Variants in CNGA3 observed in about 807,000 individuals in gnomAD.
The protein encoded by CNGA3 is cyclic nucleotide gated channel subunit alpha 3.
CNGA3 carries 42 observed loss-of-function variants against 46.6 expected under a neutral mutation model. The ratio of observed to expected loss-of-function variants is 0.90; its 90% CI spans 0.70 to 1.17. The LOEUF (loss-of-function observed/expected upper bound fraction) is 1.17, where lower values mean the gene tolerates loss of function less well. Ranked by LOEUF, CNGA3 falls within the 50% of genes most tolerant of loss-of-function variation. CNGA3 has a pLI of 0.00. For missense variants in CNGA3, 893 were observed against 890.7 expected (o/e 1.00, Z -0.03); for synonymous variants, 394 against 369.4 (o/e 1.07, Z -0.76).
chr2:98,373,327 T>G (rs979380323), intron 2 of CNGA3, among the ~76,000 whole-genome samples: 1 of 152,242 alleles, frequency 6.6e-6, no homozygotes, highest in Non-Finnish European at 1.5e-5. Context: ...CTCTTTGTCT[T>G]GAAATTCCAG....
At chr2:98,361,606 A>G (rs56146339) in intron 1 of CNGA3, among the ~76,000 whole-genome samples, 29,107 of 151,434 alleles carry the variant, frequency 0.19, 3,190 homozygotes, top group Non-Finnish European at 0.26. Flanking sequence ...GAATTGCCAC[A>G]CTGTCTTCCA....
chr2:98,355,757 A>G (rs1691866382), intron 1 of CNGA3: 1 of 152,180 alleles, frequency 6.6e-6, no homozygotes. Context: ...GGATTATTTC[A>G]TTTTAAATAA....
At chr2:98,383,512 G>A in intron 5 of CNGA3, 71 bp downstream of exon 5, 2 of 1,484,920 alleles carry the variant, frequency 1.3e-6, no homozygotes, top group South Asian at 2.3e-5. Context: ...GCCCCAGCTT[G>A]GCCTCTCTCC....
At chr2:98,361,755 T>G (rs764610872) in intron 1 of CNGA3, among the ~76,000 whole-genome samples, 22 of 148,144 alleles carry the variant, frequency 1.5e-4, no homozygotes, top group Non-Finnish European at 2.4e-4. Flanking sequence ...TCGCCCAGGC[T>G]GGAGTGCAGT....
rs746703390 is a variant in CNGA3 at position 98,383,383 on chromosome 2, C to G, written c.396-5C>G. 4 of 1,613,980 alleles carry G rather than the reference C, an allele frequency of 2.5e-6. No individual in the cohort carries two copies. Among genetic ancestry groups the G allele is most frequent in the African/African-American group, 1.3e-5 (1 of 74,906 alleles). On this transcript the variant is annotated splice_polypyrimidine_tract_variant and splice_region_variant and intron_variant, in intron 4 of 7. Transcript: ENST00000272602. ...ACCCTTGATGTTCTCTCTACCTTCC[C>G]GCAGCGCCTGGCCCCTGGCCAAATG...
In CNGA3 at chr2:98,380,203, A is replaced by G; in HGVS notation, c.244A>G (p.Arg82Gly). Reference protein sequence around the residue: ...RLSRLIFLLRRWAARHVHHQD... With the variant: ...RLSRLIFLLRGWAARHVHHQD... ...GTCGCGCCTCATCTTCTTGCTGCGCAGGTGGGCTGCCAGGCATGTGCACCA... is the reference window on the plus strand; with the variant it reads ...GTCGCGCCTCATCTTCTTGCTGCGCGGGTGGGCTGCCAGGCATGTGCACCA... Residue 82 changes from arginine (R) to glycine (G), a missense_variant, in exon 4 of 8, where the codon AGG (arginine) becomes GGG (glycine). This residue lies in a region of CNGA3 where 333 missense variants were observed against 290.8 expected (regional missense o/e 1.15). Coordinates refer to ENST00000272602, the MANE Select transcript of CNGA3 (RefSeq NM_001298.3). 6.2e-7 allele frequency: 1 copy of G among 1,614,230 alleles called. No homozygotes were observed. Among genetic ancestry groups the G allele is most frequent in the African/African-American group, 1.3e-5 (1 of 75,060 alleles).
At chr2:98,377,949 A>G (rs1053678393) in intron 3 of CNGA3, 149 bp downstream of exon 3, 2 of 1,352,672 alleles carry the variant, frequency 1.5e-6, no homozygotes, top group Non-Finnish European at 2.0e-6. Context: ...GAAAACTATC[A>G]GTGAGTAATT....
chr2:98,376,570 G>A (rs185189066), intron 2 of CNGA3, among the ~76,000 whole-genome samples: 2 of 152,244 alleles, frequency 1.3e-5, no homozygotes, highest in Admixed American at 1.3e-4. Context: ...GAAAAGGCAG[G>A]GAGGAATCTG....
At chr2:98,372,376 G>A (rs1357618626) in intron 2 of CNGA3, among the ~76,000 whole-genome samples, 1 of 152,192 alleles carries the variant, frequency 6.6e-6, no homozygotes, top group Admixed American at 6.5e-5. Flanking sequence ...GGCTCACTCT[G>A]GAATGCACAC....
In CNGA3 at chr2:98,396,219, G is replaced by A; in HGVS notation, c.1049G>A (p.Arg350Lys). Residue 350 changes from arginine (R) to lysine (K), a missense_variant, in exon 8 of 8, where the codon AGG (arginine) becomes AAG (lysine). By Grantham distance (26) the Arg-to-Lys change is conservative. This residue lies in a region of CNGA3 where 548 missense variants were observed against 570.8 expected (regional missense o/e 0.96). Coordinates refer to ENST00000272602, the MANE Select transcript of CNGA3 (RefSeq NM_001298.3). The part of the protein sequence containing the change: ...ISIPEHGRLS[R>K]KYIYSLYWST... ...ATCCCAGAGCATGGGCGCCTCTCCAGGAAGTACATTTACAGTCTCTACTGG... is the reference window on the plus strand; with the variant it reads ...ATCCCAGAGCATGGGCGCCTCTCCAAGAAGTACATTTACAGTCTCTACTGG... The A allele has an allele frequency of 6.2e-7, 1 of 1,614,122 alleles. No homozygotes were observed. The highest frequency in any genetic ancestry group is 1.3e-5 in the African/African-American group (1 of 75,016).
chr2:98,369,996 A>G lies in CNGA3; in HGVS notation c.21A>G (p.Gln7=). MAKINT[Q]YSHPSRTHLK... ...AGAAGATGGCCAAGATCAACACCCAATACTCCCACCCCTCCAGGACCCACC... is the reference window on the plus strand; with the variant it reads ...AGAAGATGGCCAAGATCAACACCCAGTACTCCCACCCCTCCAGGACCCACC... The change falls in exon 2 of 8, where the codon CAA becomes CAG. Residue 7 remains glutamine (Q), a synonymous_variant. Transcript: ENST00000272602. 6.2e-7 allele frequency: 1 copy of G among 1,613,950 alleles called. No homozygotes were observed. Among genetic ancestry groups the G allele is most frequent in the South Asian group, 1.1e-5 (1 of 91,026 alleles).
At position 98,395,887 on chromosome 2, in the gene CNGA3, G is replaced by A. The variant is rs924715004; in HGVS notation, c.717G>A (p.Leu239=). 2 of 1,614,202 alleles carry A rather than the reference G, an allele frequency of 1.2e-6. No individual in the cohort carries two copies. Among genetic ancestry groups the A allele is most frequent in the Admixed American group, 3.3e-5 (2 of 60,020 alleles). The stretch of plus-strand genomic sequence containing the variant: ...TAATGGTCAGTGATACCAACAGGCT[G>A]TGGCAGCATTACAAGACGACCACGC... ...QGLMVSDTNR[L]WQHYKTTTQF... The change falls in exon 8 of 8, where the codon CTG becomes CTA. Residue 239 remains leucine, a synonymous_variant. Coordinates refer to ENST00000272602, the MANE Select transcript of CNGA3 (RefSeq NM_001298.3).
chr2:98,371,763 C>T (rs564423672), intron 2 of CNGA3, among the ~76,000 whole-genome samples: 9 of 152,286 alleles, frequency 5.9e-5, no homozygotes, highest in South Asian at 2.1e-4. Context: ...GACCTTGAAA[C>T]GTCTGTATGT....
intron 1 of CNGA3, among the ~76,000 whole-genome samples, chr2:98,357,874 T>G (rs554520363): frequency 1.6e-4 from 25 of 152,342 alleles, no homozygotes; most frequent in African/African-American, 5.8e-4. Context: ...AAAATTCCAT[T>G]TGTACATTTC....
intron 7 of CNGA3, among the ~76,000 whole-genome samples, chr2:98,392,599 A>AAAGAAAAGAAAAG (rs1558818441): frequency 6.6e-6 from 1 of 151,352 alleles, no homozygotes; most frequent in African/African-American, 2.5e-5. Flanking sequence ...GAAAAGAAAA[A>AAAGAAAAGAAAAG]AAAAGAAAAG....
chr2:98,390,197 G>C (rs764242500), intron 6 of CNGA3, among the ~76,000 whole-genome samples: 4 of 151,662 alleles, frequency 2.6e-5, no homozygotes, highest in Non-Finnish European at 5.9e-5. Flanking sequence ...GTTCAGTGGC[G>C]CGATCTCAGC....
intron 2 of CNGA3, among the ~76,000 whole-genome samples, chr2:98,376,991 A>G (rs1692417725): frequency 6.6e-6 from 1 of 152,236 alleles, no homozygotes; most frequent in Admixed American, 6.5e-5. Flanking sequence ...TGGGTTGCAC[A>G]AGGGGAGTCA....
chr2:98,383,480 C>T (rs1472936086), intron 5 of CNGA3, 39 bp downstream of exon 5: 1 of 1,607,540 alleles, frequency 6.2e-7, no homozygotes, highest in Non-Finnish European at 8.5e-7. Flanking sequence ...TCCCCAAGCC[C>T]GGTGCCCTCC....
chr2:98,390,144 T>C (rs557254362), intron 6 of CNGA3, among the ~76,000 whole-genome samples: 7 of 149,358 alleles, frequency 4.7e-5, no homozygotes, highest in African/African-American at 1.7e-4. Flanking sequence ...ATTTTTTTCT[T>C]TTTTTTTTTG....
Sources: gnomAD v4.1 joint callset for allele counts (sites outside exome capture counted in the v4.1 genomes callset) on GRCh38, gnomAD v4.1.1 for gene constraint, gnomAD v4.1.1 regional missense constraint, MANE v1.5 for transcripts, NCBI Gene and HGNC (gene_info 2026-07-23, HGNC 2026-07-21) for gene names.